GDI2: variants seen among roughly 807,000 people sequenced by gnomAD.
GDI2 encodes the protein rab GDP dissociation inhibitor beta.
A neutral mutation model predicts 54.2 loss-of-function variants in GDI2; 22 were observed. That is an observed-to-expected ratio of 0.41 (90% CI 0.29 to 0.58). GDI2 has a LOEUF of 0.58. Among genes scored for constraint, GDI2 ranks in the 20% least tolerant of loss-of-function variants. The probability of loss-of-function intolerance (pLI) is 0.35; values close to 1 mark genes in which losing one functional copy is unlikely to be tolerated. For missense variants in GDI2, 422 were observed against 546.0 expected (o/e 0.77, Z 2.26); for synonymous variants, 177 against 182.1 (o/e 0.97, Z 0.23).
At chr10:5,793,048 G>A (rs181881595) in intron 4 of GDI2, among the ~76,000 whole-genome samples, 7 of 151,518 alleles carry the variant, frequency 4.6e-5, no homozygotes, top group Non-Finnish European at 5.9e-5. Flanking sequence ...AGGTTGGAGC[G>A]CAGTGATGCA....
At chr10:5,806,248 A>C (rs1841377603) in intron 1 of GDI2, among the ~76,000 whole-genome samples, 1 of 152,134 alleles carries the variant, frequency 6.6e-6, no homozygotes, top group Non-Finnish European at 1.5e-5. Context: ...TTTCCTGAGG[A>C]CAAATAAGGT....
chr10:5,766,410 C>T lies in GDI2; in HGVS notation c.1136+84G>A. ...CACAGAGCAGCCAGCAGCTACCTGC[C>T]TTGCCCTCACATTCGTCCCACCATG... On this transcript the variant is annotated intron_variant, in intron 9 of 10. Coordinates refer to ENST00000380191, the MANE Select transcript of GDI2 (RefSeq NM_001494.4). This position sits in a 1 kb window ranked among gnomAD's most constrained non-coding sequence, Gnocchi z 5.8. 6.5e-7 allele frequency: 1 copy of T among 1,534,554 alleles called. No homozygotes were observed. Among genetic ancestry groups the T allele is most frequent in the Non-Finnish European group, 9.0e-7 (1 of 1,108,256 alleles).
At chr10:5,811,657 T>TAAAAAAAAAAAAAAAAAAA (rs34264151) in intron 1 of GDI2, among the ~76,000 whole-genome samples, 1 of 135,188 alleles carries the variant, frequency 7.4e-6, no homozygotes, top group Non-Finnish European at 1.6e-5. Context: ...ATTAGGCACT[T>TAAAAAAAAAAAAAAAAAAA]AAAAAAAAAA....
chr10:5,766,173 G>T lies in GDI2; in HGVS notation c.1192-21C>A, dbSNP rs1564386101. The T allele has an allele frequency of 6.2e-7, 1 of 1,613,120 alleles. No individual in the cohort carries two copies. Among genetic ancestry groups the T allele is most frequent in the Admixed American group, 1.7e-5 (1 of 60,008 alleles). On this transcript the variant is annotated intron_variant, in intron 10 of 10. Transcript: ENST00000380191. The surrounding 1 kb of genome is among the most constrained non-coding windows in gnomAD (Gnocchi z 5.8). The stretch of plus-strand genomic sequence containing the variant: ...AAGATCTGAAAACAAAAATTACGAA[G>T]ACTTAAGACCATGGAGGGATGTCTT...
At chr10:5,795,782 T>G (rs940547562) in intron 3 of GDI2, among the ~76,000 whole-genome samples, 1 of 152,022 alleles carries the variant, frequency 6.6e-6, no homozygotes, top group African/African-American at 2.4e-5. Context: ...CACAAAAAAA[T>G]TAGCCAGGTG....
At chr10:5,779,675 GAA>G (rs200100514) in intron 6 of GDI2, among the ~76,000 whole-genome samples, 1 of 143,796 alleles carries the variant, frequency 7.0e-6, no homozygotes, top group Non-Finnish European at 1.5e-5. Context: ...CAGAGAGGGG[GAA>G]AAAAAAAAGT....
intron 4 of GDI2, among the ~76,000 whole-genome samples, chr10:5,793,412 C>T (rs1841061141): frequency 6.6e-6 from 1 of 152,218 alleles, no homozygotes; most frequent in Non-Finnish European, 1.5e-5. Flanking sequence ...CATGATTACA[C>T]TACTAACTAC....
intron 4 of GDI2, among the ~76,000 whole-genome samples, chr10:5,791,577 G>GT (rs1841013969): frequency 6.6e-6 from 1 of 151,926 alleles, no homozygotes; most frequent in African/African-American, 2.4e-5. Context: ...GAGAAACCCC[G>GT]TCTCTACTAA....
rs200329717 is a variant in GDI2, at chr10:5,785,245, T to A, written c.616A>T (p.Ile206Phe). 9 of 1,603,306 alleles carry A rather than the reference T, an allele frequency of 5.6e-6. No individual in the cohort carries two copies. Among genetic ancestry groups the A allele is most frequent in the Non-Finnish European group, 7.7e-6 (9 of 1,170,718 alleles). ...DYLDQPCYET[I>F]NRIKLYSESL... ...TCACTGTAAAGTTTAATTCTATTAATGGTTTCATAACACGGTTGATCTAAG... is the reference window on the plus strand; with the variant it reads ...TCACTGTAAAGTTTAATTCTATTAAAGGTTTCATAACACGGTTGATCTAAG... The change falls in exon 6 of 11, where the codon ATT becomes TTT. Residue 206 changes from isoleucine (I) to phenylalanine (F), a missense_variant. Ile to Phe is a conservative substitution (Grantham distance 21). Transcript: ENST00000380191.
rs190487239 is a variant in GDI2 at position 5,813,420 on chromosome 10, G to A, written c.-162C>T. 1.9e-5 allele frequency: 10 copies of A among 520,180 alleles called. No individual in the cohort carries two copies. Among genetic ancestry groups the A allele is most frequent in the East Asian group, 3.5e-5 (1 of 28,732 alleles). The allele number at this position is 520,180 out of a possible 1,614,324, so 32.2% of individuals were successfully genotyped here. Reference sequence around the variant, plus strand: ...GGCGAGACCGACCGCCACCTCAGACGGGAAGAGAAGAACTGGGCGGGGAGA... The same window carrying A: ...GGCGAGACCGACCGCCACCTCAGACAGGAAGAGAAGAACTGGGCGGGGAGA... On this transcript the variant is annotated 5_prime_UTR_variant, in exon 1 of 11. Coordinates refer to ENST00000380191, the MANE Select transcript of GDI2 (RefSeq NM_001494.4).
intron 4 of GDI2, among the ~76,000 whole-genome samples, chr10:5,794,476 A>C (rs555924045): frequency 6.6e-6 from 1 of 152,000 alleles, no homozygotes; most frequent in Non-Finnish European, 1.5e-5. Flanking sequence ...GAGTTTCATC[A>C]CCTATAAAAT....
At chr10:5,790,663 T>C (rs1459058900) in intron 4 of GDI2, among the ~76,000 whole-genome samples, 2 of 151,642 alleles carry the variant, frequency 1.3e-5, no homozygotes, top group Non-Finnish European at 2.9e-5. Context: ...CAAAAAAAAA[T>C]CACATACAAA....
intron 4 of GDI2, among the ~76,000 whole-genome samples, chr10:5,789,714 T>C (rs1377820405): frequency 1.3e-5 from 2 of 152,254 alleles, no homozygotes; most frequent in Admixed American, 1.3e-4. Context: ...ATCATAAATA[T>C]ATGCAATTCT....
Position 5,766,419 on chromosome 10 carries a change from A to G in GDI2, c.1136+75T>C. On this transcript the variant is annotated intron_variant, in intron 9 of 10. Coordinates refer to ENST00000380191, the MANE Select transcript of GDI2 (RefSeq NM_001494.4). The surrounding 1 kb of genome is among the most constrained non-coding windows in gnomAD (Gnocchi z 5.8). ...GCCAGCAGCTACCTGCCTTGCCCTC[A>G]CATTCGTCCCACCATGGAGCCACAA... 1 of 1,557,904 alleles carries G rather than the reference A, an allele frequency of 6.4e-7. No homozygotes were observed.
At position 5,800,637 on chromosome 10, in the gene GDI2, G is replaced by A. The variant is rs145533869; in HGVS notation, c.114C>T (p.Tyr38=). The change falls in exon 2 of 11, where the codon TAC becomes TAT. Residue 38 remains tyrosine, a synonymous_variant. Transcript: ENST00000380191. ...KKVLHMDRNP[Y]YGGESASITP... is the part of the protein sequence containing the mutation. ...TTATAGATGCACTCTCTCCTCCGTA[G>A]TAAGGGTTTCGATCCATATGAAGAA... The A allele has an allele frequency of 1.6e-4, 248 of 1,595,998 alleles. 1 individual carries two copies. Among genetic ancestry groups the A allele is most frequent in the Middle Eastern group, 1.2e-3 (7 of 6,022 alleles).
Position 5,773,834 on chromosome 10 carries a change from C to T in GDI2, c.819+8G>A. 1 of 1,171,910 alleles carries T rather than the reference C, an allele frequency of 8.5e-7. No individual in the cohort carries two copies. The highest frequency in any genetic ancestry group is 2.3e-5 in the East Asian group (1 of 42,726). The allele number at this position is 1,171,910 out of a possible 1,614,324, so 72.6% of individuals were successfully genotyped here. A position where few individuals can be genotyped will look rare whatever the true frequency, so the allele number is the denominator to read the frequency against. On this transcript the variant is annotated splice_region_variant and intron_variant, in intron 7 of 10. Coordinates refer to ENST00000380191, the MANE Select transcript of GDI2 (RefSeq NM_001494.4). Reference sequence around the variant, plus strand: ...ATAGTAATTTTTTTCATTTTAAAAGCTACTTACTTCTCCTTCAGATTTTAC... The same window carrying T: ...ATAGTAATTTTTTTCATTTTAAAAGTTACTTACTTCTCCTTCAGATTTTAC...
chr10:5,800,852 G>T (rs910165518), intron 1 of GDI2, 147 bp from the exon 2 acceptor site: 5 of 603,508 alleles, frequency 8.3e-6, no homozygotes, highest in Non-Finnish European at 1.5e-5. Context: ...AAGCCCTTAA[G>T]AAACCAGGGG....
chr10:5,806,337 G>A (rs1456669329), intron 1 of GDI2, among the ~76,000 whole-genome samples: 1 of 83,786 alleles, frequency 1.2e-5, no homozygotes, highest in Non-Finnish European at 2.6e-5. Context: ...CCCTTTGGGA[G>A]GCCAAGGTGG....
At chr10:5,811,165 T>C (rs1160334245) in intron 1 of GDI2, among the ~76,000 whole-genome samples, 1 of 152,222 alleles carries the variant, frequency 6.6e-6, no homozygotes, top group Non-Finnish European at 1.5e-5. Context: ...ATCAAAATCA[T>C]CCTGTCATCA....
Sources: allele counts gnomAD v4.1 joint callset (sites outside exome capture counted in the v4.1 genomes callset), GRCh38; gene constraint gnomAD v4.1.1; non-coding constraint Gnocchi (gnomAD v3.1); transcripts MANE v1.5; gene names NCBI Gene and HGNC (gene_info 2026-07-23, HGNC 2026-07-21).